The following ANK3 variants were observed in gnomAD, a reference collection of about 807,000 sequenced individuals.
ANK3 encodes the protein ankyrin 3.
Under a neutral mutation model 370.9 loss-of-function variants are expected in ANK3, and 57 were observed. The ratio of observed to expected loss-of-function variants is 0.15; its 90% CI spans 0.12 to 0.19. The LOEUF (loss-of-function observed/expected upper bound fraction) is 0.19. Among genes scored for constraint, ANK3 ranks in the 10% least tolerant of loss-of-function variants. The probability of loss-of-function intolerance (pLI) is 1.00; values close to 1 mark genes in which losing one functional copy is unlikely to be tolerated. For missense variants in ANK3, 4,439 were observed against 5,302.1 expected (o/e 0.84, Z 5.06); for synonymous variants, 1,929 against 1,946.3 (o/e 0.99, Z 0.23).
At chr10:60,310,486 C>T (rs1408591453) in intron 1 of ANK3, among the ~76,000 whole-genome samples, 1 of 152,058 alleles carries the variant, frequency 6.6e-6, no homozygotes, top group African/African-American at 2.4e-5. Flanking sequence ...GAAAATTGTT[C>T]TTTGGACAAA....
At chr10:60,240,307 T>TATA (rs1491120014) in intron 7 of ANK3, among the ~76,000 whole-genome samples, 63 of 48,200 alleles carry the variant, frequency 1.3e-3, no homozygotes, top group Middle Eastern at 0.013. Context: ...TATATATATA[T>TATA]TTTTTTTTCT....
At chr10:60,528,189 T>C (rs1431260617) in intron 2 of ANK3, among the ~76,000 whole-genome samples, 1 of 148,094 alleles carries the variant, frequency 6.8e-6, no homozygotes, top group African/African-American at 2.5e-5. Flanking sequence ...CAGGCTGGAT[T>C]GTAATGGTGC....
At chr10:60,272,818 A>G (rs532973929) in intron 4 of ANK3, among the ~76,000 whole-genome samples, 1 of 152,052 alleles carries the variant, frequency 6.6e-6, no homozygotes, top group East Asian at 1.9e-4. Flanking sequence ...TCTTTCAGAC[A>G]TGAATATCAA....
In ANK3 at chr10:60,074,321, T is replaced by A. The variant is rs769199320; in HGVS notation, c.6560A>T (p.Gln2187Leu). ...DPSAGDVPQT[Q>L]PEEPVSPKPS... Reference sequence around the variant, plus strand: ...TTTAGGTGACACAGGCTCCTCTGGTTGGGTCTGGGGAACATCCCCAGCTGA... The same window carrying A: ...TTTAGGTGACACAGGCTCCTCTGGTAGGGTCTGGGGAACATCCCCAGCTGA... Residue 2187 changes from glutamine (Q) to leucine (L), a missense_variant, in exon 37 of 44, where the codon CAA becomes CTA. By Grantham distance (113) the Gln-to-Leu change is moderately radical (BLOSUM62 -2). Transcript: ENST00000280772. 6.2e-7 allele frequency: 1 copy of A among 1,614,064 alleles called. No homozygotes were observed. The highest frequency in any genetic ancestry group is 1.1e-5 in the South Asian group (1 of 91,046).
intron 1 of ANK3, among the ~76,000 whole-genome samples, chr10:60,719,412 G>T (rs1589073876): frequency 6.6e-6 from 1 of 151,984 alleles, no homozygotes; most frequent in South Asian, 2.1e-4. Flanking sequence ...TTTATTTTAA[G>T]AGATTAACCA....
At chr10:60,540,982 A>C (rs1567131001) in intron 2 of ANK3, among the ~76,000 whole-genome samples, 1 of 151,972 alleles carries the variant, frequency 6.6e-6, no homozygotes, top group Non-Finnish European at 1.5e-5. Context: ...GAAATAACAA[A>C]TATATATCAA....
At chr10:60,133,780 G>A (rs976974607) in intron 25 of ANK3, among the ~76,000 whole-genome samples, 1 of 152,100 alleles carries the variant, frequency 6.6e-6, no homozygotes, top group African/African-American at 2.4e-5. Context: ...AATTAGCTGG[G>A]TGTGGTGGTG....
intron 8 of ANK3, among the ~76,000 whole-genome samples, chr10:60,216,589 C>T (rs796895388): frequency 5.9e-5 from 9 of 152,232 alleles, no homozygotes; most frequent in African/African-American, 2.2e-4. Context: ...TTAAGTTGAA[C>T]CAGCCTTGCA....
intron 1 of ANK3, chr10:60,615,363 A>G (rs572834281): frequency 4.3e-6 from 2 of 466,008 alleles, no homozygotes; most frequent in African/African-American, 4.0e-5. Context: ...ACAAAGTAAA[A>G]TAGAGGAAAT....
intron 1 of ANK3, among the ~76,000 whole-genome samples, chr10:60,654,887 G>A (rs564442555): frequency 1.3e-5 from 2 of 152,212 alleles, no homozygotes; most frequent in East Asian, 1.9e-4. Context: ...TACACTGCAC[G>A]TTGACATTTT....
chr10:60,387,970 T>C (rs1020179480), intron 1 of ANK3, among the ~76,000 whole-genome samples: 1 of 152,144 alleles, frequency 6.6e-6, no homozygotes, highest in Admixed American at 6.5e-5. Flanking sequence ...CCATCTTTCT[T>C]AGAAGCTAGT....
chr10:60,213,509 T>C lies in ANK3; in HGVS notation c.899A>G (p.Asp300Gly). 6.3e-7 allele frequency: 1 copy of C among 1,593,170 alleles called. No individual in the cohort carries two copies. Among genetic ancestry groups the C allele is most frequent in the Non-Finnish European group, 8.6e-7 (1 of 1,166,488 alleles). Residue 300 changes from aspartate (D) to glycine (G), a missense_variant and splice_region_variant, in exon 9 of 44, where the codon GAT becomes GGT. Physicochemically the swap from Asp to Gly is moderately conservative, Grantham distance 94. Transcript: ENST00000280772. ...RGAKIDAKTR[D>G]GLTPLHCGAR... Reference sequence around the variant, plus strand: ...TCCACAGTGCAGTGGTGTCAGACCATCCTGTTGAACAAAGGAAACATCACC... The same window carrying C: ...TCCACAGTGCAGTGGTGTCAGACCACCCTGTTGAACAAAGGAAACATCACC...
At chr10:60,119,771 CA>C (rs1043881202) in intron 25 of ANK3, among the ~76,000 whole-genome samples, 2 of 151,660 alleles carry the variant, frequency 1.3e-5, no homozygotes, top group African/African-American at 4.8e-5. Flanking sequence ...GACTTCATCT[CA>C]AAAAAATAAT....
At position 60,085,106 on chromosome 10, in the gene ANK3, G is replaced by A. The variant is rs1300781461; in HGVS notation, c.3845+51C>T. 6 of 1,444,062 alleles carry A rather than the reference G, an allele frequency of 4.2e-6. No homozygotes were observed. The African/African-American group carries it at 4.3e-5, about 10-fold the overall frequency. 89.5% of individuals were successfully genotyped at this position (1,444,062 alleles called of 1,614,324 possible). A position where few individuals can be genotyped will look rare whatever the true frequency, so the allele number is the denominator to read the frequency against. ...ACACAACAATTTTTACTTTCCAAAAGGTAATAAAAACTAATTCCTTACTGC... is the reference window on the plus strand; with the variant it reads ...ACACAACAATTTTTACTTTCCAAAAAGTAATAAAAACTAATTCCTTACTGC... On this transcript the variant is annotated intron_variant, in intron 31 of 43. Transcript: ENST00000280772.
At chr10:60,341,082 G>A (rs10740024) in intron 1 of ANK3, among the ~76,000 whole-genome samples, 106,067 of 152,028 alleles carry the variant, frequency 0.7, 38,283 homozygotes, top group South Asian at 0.91. Context: ...CAAAGCCACT[G>A]CCATCTGACC....
chr10:60,139,283 G>A, intron 23 of ANK3, 196 bp from the exon 24 acceptor site: 1 of 537,670 alleles, frequency 1.9e-6, no homozygotes, highest in Non-Finnish European at 3.1e-6. Flanking sequence ...TTTCAAGAGT[G>A]AATTTAAGTA....
At position 60,431,416 on chromosome 10, in the gene ANK3, G is replaced by T. The variant is rs145605368; in HGVS notation, c.97-151777C>A. On this transcript the variant is annotated intron_variant, in intron 2 of 43. Coordinates refer to the ANK3 transcript ENST00000373827. ...GTGGTAATGTTAGCCATGGAGAGCGGCTGTAAATACAGATGAAGTTTTGCT... is the reference window on the plus strand; with the variant it reads ...GTGGTAATGTTAGCCATGGAGAGCGTCTGTAAATACAGATGAAGTTTTGCT... Among the ~76,000 whole-genome samples, 487 of 152,266 alleles carry T rather than the reference G, an allele frequency of 3.2e-3. 5 individuals are homozygous for T. The highest frequency in any genetic ancestry group is 0.011 in the African/African-American group (456 of 41,542).
At chr10:60,485,810 G>A (rs1388401142) in intron 2 of ANK3, among the ~76,000 whole-genome samples, 1 of 152,118 alleles carries the variant, frequency 6.6e-6, no homozygotes, top group Non-Finnish European at 1.5e-5. Context: ...CAGCATGATG[G>A]GCACATTGAG....
At chr10:60,686,881 G>C (rs1330056698) in intron 1 of ANK3, among the ~76,000 whole-genome samples, 2 of 152,156 alleles carry the variant, frequency 1.3e-5, no homozygotes, top group Non-Finnish European at 2.9e-5. Flanking sequence ...CTGCAAAATA[G>C]AGTAAAGTGT....
Sources: gnomAD v4.1 joint callset for allele counts (sites outside exome capture counted in the v4.1 genomes callset) on GRCh38, gnomAD v4.1.1 for gene constraint, MANE v1.5 for transcripts, NCBI Gene and HGNC (gene_info 2026-07-23, HGNC 2026-07-21) for gene names.